EIF4G1: variants seen among roughly 807,000 people sequenced by gnomAD.
EIF4G1 encodes the protein eukaryotic translation initiation factor 4 gamma 1.
Under a neutral mutation model 187.8 loss-of-function variants are expected in EIF4G1, and 4 were observed. The observed-to-expected ratio is 0.02, with a 90% CI of 0.01 to 0.05. EIF4G1 has a LOEUF of 0.05. EIF4G1 is among the 10% of genes least tolerant of loss of function. EIF4G1 has a pLI of 1.00. For missense variants in EIF4G1, 1,647 were observed against 2,081.1 expected (o/e 0.79, Z 4.06); for synonymous variants, 844 against 781.4 (o/e 1.08, Z -1.34).
Position 184,325,169 on chromosome 3 carries a change from G to T in EIF4G1, c.2856+55G>T, listed in dbSNP as rs1577222841. The T allele has an allele frequency of 1.9e-6, 3 of 1,602,398 alleles. No individual in the cohort carries two copies. In the East Asian group the frequency reaches 6.7e-5, roughly 36 times the overall value. ...GGCTGAAGCATATGTGGGGCTCACT[G>T]AGCCCACAATGATGGGGCGGAAGGC... On this transcript the variant is annotated intron_variant, in intron 18 of 32. Coordinates refer to ENST00000346169, the MANE Select transcript of EIF4G1 (RefSeq NM_198241.3). The surrounding 1 kb of genome is among the most constrained non-coding windows in gnomAD (Gnocchi z 5.2).
rs770370351 is a variant in EIF4G1 at position 184,319,777 on chromosome 3, T to G, written c.513T>G (p.Ile171Met). The G allele has an allele frequency of 1.2e-6, 2 of 1,605,394 alleles. No homozygotes were observed. Among genetic ancestry groups the G allele is most frequent in the African/African-American group, 2.7e-5 (2 of 74,844 alleles). Residue 171 changes from isoleucine to methionine, a missense_variant, in exon 7 of 33, where the codon ATT becomes ATG. Physicochemically the swap from Ile to Met is conservative, Grantham distance 10. This residue lies in a region of EIF4G1 where 139 missense variants were observed against 187.3 expected (regional missense o/e 0.74). Coordinates refer to ENST00000346169, the MANE Select transcript of EIF4G1 (RefSeq NM_198241.3). ...TTTTGATGAACCAGCCACCCCAGATTGCTCCCAAGAGGGAGCGTAAGACGG... is the reference window on the plus strand; with the variant it reads ...TTTTGATGAACCAGCCACCCCAGATGGCTCCCAAGAGGGAGCGTAAGACGG... ...TPVLMNQPPQ[I>M]APKRERKTIR...
chr3:184,315,615 T>TGG (rs1722630957), intron 2 of EIF4G1, 70 bp downstream of exon 2: 1 of 772,796 alleles, frequency 1.3e-6, no homozygotes, highest in African/African-American at 1.7e-5. Context: ...AGCATGTTGG[T>TGG]GGGGACAGGC....
rs201900692 is a variant in EIF4G1 at position 184,322,714 on chromosome 3, G to T, written c.1779G>T (p.Lys593Asn). The T allele has an allele frequency of 2.5e-6, 4 of 1,614,230 alleles. No individual in the cohort carries two copies. The highest frequency in any genetic ancestry group is 3.4e-6 in the Non-Finnish European group (4 of 1,180,044). Reference protein sequence around the residue: ...NAENIQPGEQKYEYKSDQWKP... With the variant: ...NAENIQPGEQNYEYKSDQWKP... The stretch of plus-strand genomic sequence containing the variant: ...AGAACATCCAGCCCGGGGAACAGAA[G>T]TATGAATATAAGTCAGGTATGCTGA... The change falls in exon 12 of 33, where the codon AAG (lysine) becomes AAT (asparagine). Residue 593 changes from lysine (K) to asparagine (N), a missense_variant. Transcript: ENST00000346169.
chr3:184,327,118 T>C, intron 23 of EIF4G1, 98 bp from the exon 24 acceptor site: 2 of 1,573,756 alleles, frequency 1.3e-6, no homozygotes, highest in Non-Finnish European at 1.7e-6. Flanking sequence ...ATACTCATTA[T>C]GCTAAGAACA....
chr3:184,322,709 C>A lies in EIF4G1; in HGVS notation c.1774C>A (p.Gln592Lys), dbSNP rs1158100633. The A allele has an allele frequency of 1.2e-5, 19 of 1,614,006 alleles. No homozygotes were observed. The highest frequency in any genetic ancestry group is 1.6e-5 in the Non-Finnish European group (19 of 1,180,042). ...HNAENIQPGE[Q>K]KYEYKSDQWK... ...TGCTGAGAACATCCAGCCCGGGGAA[C>A]AGAAGTATGAATATAAGTCAGGTAT... Residue 592 changes from glutamine (Q) to lysine (K), a missense_variant, in exon 12 of 33, where the codon CAG (glutamine) becomes AAG (lysine). This residue lies in a region of EIF4G1 where 522 missense variants were observed against 485.2 expected (regional missense o/e 1.08). Transcript: ENST00000346169.
In EIF4G1 at chr3:184,314,629, G is replaced by C. The variant is rs2108449478; in HGVS notation, c.-137G>C. 6.6e-6 allele frequency: 1 copy of C among 152,144 alleles called. No individual in the cohort carries two copies. Among genetic ancestry groups the C allele is most frequent in the South Asian group, 2.1e-4 (1 of 4,832 alleles). 9.4% of individuals were successfully genotyped at this position (152,144 alleles called of 1,614,324 possible). A position where few individuals can be genotyped will look rare whatever the true frequency, so the allele number is the denominator to read the frequency against. On this transcript the variant is annotated 5_prime_UTR_variant, in exon 1 of 33. Transcript: ENST00000346169. ...CCGGAAATGGTTGTGGACTACGTCT[G>C]TGCGGCTGCGTGGGGCTCGGCCGCG...
chr3:184,327,918 G>T lies in EIF4G1; in HGVS notation c.3869G>T (p.Ser1290Ile), dbSNP rs749674981. 1 of 1,613,264 alleles carries T rather than the reference G, an allele frequency of 6.2e-7. No homozygotes were observed. Among genetic ancestry groups the T allele is most frequent in the Non-Finnish European group, 8.5e-7 (1 of 1,180,036 alleles). ...GGTGTCGAGTCTACGCTGGAGCGCAGTGCCATTGCTCGTGAGCATATGGGG... is the reference window on the plus strand; with the variant it reads ...GGTGTCGAGTCTACGCTGGAGCGCATTGCCATTGCTCGTGAGCATATGGGG... Reference protein sequence around the residue: ...RHGVESTLERSAIAREHMGQL... With the variant: ...RHGVESTLERIAIAREHMGQL... Residue 1290 changes from serine to isoleucine, a missense_variant, in exon 26 of 33, where the codon AGT becomes ATT. Physicochemically the swap from Ser to Ile is moderately radical, Grantham distance 142. Coordinates refer to ENST00000346169, the MANE Select transcript of EIF4G1 (RefSeq NM_198241.3).
At chr3:184,326,700 A>C in intron 22 of EIF4G1, 71 bp downstream of exon 22, 1 of 1,564,978 alleles carries the variant, frequency 6.4e-7, no homozygotes, top group Middle Eastern at 1.8e-4. Flanking sequence ...CTTTTCTGTT[A>C]GGGAGGCCTT....
At position 184,319,928 on chromosome 3, in the gene EIF4G1, T is replaced by G. The variant is rs28626875; in HGVS notation, c.537+127T>G. On this transcript the variant is annotated intron_variant, in intron 7 of 32. Coordinates refer to ENST00000346169, the MANE Select transcript of EIF4G1 (RefSeq NM_198241.3). Reference sequence around the variant, plus strand: ...GGAGCTGAGAGTGGGCAGAGAATGGTGTCTGTGGAGGGCTCAGGTTCTTTG... The same window carrying G: ...GGAGCTGAGAGTGGGCAGAGAATGGGGTCTGTGGAGGGCTCAGGTTCTTTG... 6.7e-3 allele frequency: 5,025 copies of G among 753,072 alleles called. 152 individuals are homozygous for G. The African/African-American group carries it at 0.077, about 11-fold the overall frequency. 46.6% of individuals were successfully genotyped at this position (753,072 alleles called of 1,614,324 possible).
chr3:184,317,189 C>G (rs1577183703), intron 4 of EIF4G1, 132 bp from the exon 5 acceptor site: 8 of 1,089,380 alleles, frequency 7.3e-6, no homozygotes, highest in South Asian at 1.3e-5. Flanking sequence ...GTCAAGTGGT[C>G]TTGGAAGGAT....
In EIF4G1 at chr3:184,321,776, G is replaced by A. The variant is rs1723933786; in HGVS notation, c.1192G>A (p.Ala398Thr). 2 of 1,610,060 alleles carry A rather than the reference G, an allele frequency of 1.2e-6. No individual in the cohort carries two copies. The highest frequency in any genetic ancestry group is 2.7e-5 in the African/African-American group (2 of 74,808). Residue 398 changes from alanine (A) to threonine (T), a missense_variant, in exon 10 of 33, where the codon GCC (alanine) becomes ACC (threonine). Physicochemically the swap from Ala to Thr is moderately conservative, Grantham distance 58. Transcript: ENST00000346169. ...ATCCCCTGTGCCCATTGCTCCAACT[G>A]CCCAACCTGAGGAACTGCTCAACGG... The part of the protein sequence containing the change: ...SESPVPIAPT[A>T]QPEELLNGAP...
At chr3:184,332,227 C>A (rs1417455991) in intron 32 of EIF4G1, 141 bp downstream of exon 32, 26 of 1,115,012 alleles carry the variant, frequency 2.3e-5, no homozygotes, top group Middle Eastern at 5.5e-4. Flanking sequence ...TTCATTCTTT[C>A]CTTTTACGTT....
intron 16 of EIF4G1, 97 bp downstream of exon 16, chr3:184,324,074 G>C: frequency 6.2e-7 from 1 of 1,604,628 alleles, no homozygotes; most frequent in Non-Finnish European, 8.5e-7. Flanking sequence ...TCCAACTTGT[G>C]CCTCTTCCAG....
At chr3:184,326,105 G>A (rs1268978731) in intron 21 of EIF4G1, 154 bp downstream of exon 21, 5 of 754,694 alleles carry the variant, frequency 6.6e-6, no homozygotes, top group Middle Eastern at 3.5e-4. Context: ...AGGGAGGGTG[G>A]TACTCCCATT....
intron 17 of EIF4G1, among the ~76,000 whole-genome samples, chr3:184,324,586 A>T (rs907412783): frequency 1.3e-5 from 2 of 152,122 alleles, no homozygotes; most frequent in African/African-American, 4.8e-5. Flanking sequence ...CAGCCTCCCA[A>T]GTAGCTGGGA....
At position 184,327,595 on chromosome 3, in the gene EIF4G1, A is replaced by T; in HGVS notation, c.3671A>T (p.Glu1224Val). The T allele has an allele frequency of 6.2e-7, 1 of 1,614,096 alleles. No individual in the cohort carries two copies. The highest frequency in any genetic ancestry group is 8.5e-7 in the Non-Finnish European group (1 of 1,179,962). ...TGTTCTCTTCCCACAGTGAAGCGAG[A>T]AGCTGCCCTACCCCCAGTGAGCCCC... ...RDRGRDAVKR[E>V]AALPPVSPLK... The change falls in exon 25 of 33, where the codon GAA (glutamate) becomes GTA (valine). Residue 1224 changes from glutamate (E) to valine (V), a missense_variant. Physicochemically the swap from Glu to Val is moderately radical, Grantham distance 121. Coordinates refer to ENST00000346169, the MANE Select transcript of EIF4G1 (RefSeq NM_198241.3).
Position 184,321,287 on chromosome 3 carries a change from C to G in EIF4G1, c.703C>G (p.Arg235Gly). The change falls in exon 10 of 33, where the codon CGG (arginine) becomes GGG (glycine). Residue 235 changes from arginine (R) to glycine (G), a missense_variant. Arg to Gly is a moderately radical substitution (Grantham distance 125). Coordinates refer to ENST00000346169, the MANE Select transcript of EIF4G1 (RefSeq NM_198241.3). The stretch of plus-strand genomic sequence containing the variant: ...TCTTCCTTCCTATGGTGCAGATGAC[C>G]GGTCACAGGGAGCAATCATTGCTGA... ...QVAVIVRPDDRSQGAIIADRP... is the reference protein window; with the variant it reads ...QVAVIVRPDDGSQGAIIADRP... 6 of 1,614,026 alleles carry G rather than the reference C, an allele frequency of 3.7e-6. No individual in the cohort carries two copies. The highest frequency in any genetic ancestry group is 5.1e-6 in the Non-Finnish European group (6 of 1,180,018).
Position 184,316,152 on chromosome 3 carries a change from G to C in EIF4G1, c.81G>C (p.Gln27His). ...GLPQPAFPPG[Q>H]TAPVVFSTPQ... is the part of the protein sequence containing the mutation. ...TTCAGCCAGCGTTTCCCCCGGGGCA[G>C]ACAGCGCCGGTGGTGTTCAGTACGC... Residue 27 changes from glutamine to histidine, a missense_variant, in exon 4 of 33, where the codon CAG becomes CAC. By Grantham distance (24) the Gln-to-His change is conservative. Coordinates refer to ENST00000346169, the MANE Select transcript of EIF4G1 (RefSeq NM_198241.3). 6.2e-7 allele frequency: 1 copy of C among 1,614,162 alleles called. No homozygotes were observed. The highest frequency in any genetic ancestry group is 8.5e-7 in the Non-Finnish European group (1 of 1,180,032).
intron 28 of EIF4G1, 150 bp downstream of exon 28, chr3:184,329,140 G>T: frequency 2.3e-6 from 2 of 873,964 alleles, no homozygotes; most frequent in South Asian, 1.5e-5. Flanking sequence ...ACTGAGGTGG[G>T]CCATCTCCCG....
Sources: gnomAD v4.1 joint callset for allele counts (sites outside exome capture counted in the v4.1 genomes callset) on GRCh38, gnomAD v4.1.1 for gene constraint, gnomAD v4.1.1 regional missense constraint, Gnocchi (gnomAD v3.1) non-coding constraint, MANE v1.5 for transcripts, NCBI Gene and HGNC (gene_info 2026-07-23, HGNC 2026-07-21) for gene names.